The following MYO18B variants were observed in gnomAD, a reference collection of about 807,000 sequenced individuals.
The protein encoded by MYO18B is myosin XVIIIB.
Under a neutral mutation model 273.0 loss-of-function variants are expected in MYO18B, and 204 were observed. That is an observed-to-expected ratio of 0.75 (90% CI 0.67 to 0.84). The LOEUF (loss-of-function observed/expected upper bound fraction) is 0.84, where lower values mean the gene tolerates loss of function less well. Ranked by LOEUF, MYO18B falls within the 40% of genes least tolerant of loss-of-function variation. The probability of loss-of-function intolerance (pLI) is 0.00; values close to 1 mark genes in which losing one functional copy is unlikely to be tolerated. For synonymous variants in MYO18B, 1,330 were observed against 1,305.7 expected (o/e 1.02, Z -0.40); for missense variants, 3,212 against 3,287.6 (o/e 0.98, Z 0.56).
chr22:25,893,252 AAG>A (rs2091709798), intron 27 of MYO18B, among the ~76,000 whole-genome samples: 1 of 152,242 alleles, frequency 6.6e-6, no homozygotes, highest in Non-Finnish European at 1.5e-5. Flanking sequence ...TAAATATTTA[AAG>A]AGAACCTTTT....
intron 15 of MYO18B, among the ~76,000 whole-genome samples, chr22:25,830,761 G>A (rs762414404): frequency 1.3e-5 from 2 of 152,192 alleles, no homozygotes; most frequent in Non-Finnish European, 2.9e-5. Flanking sequence ...ATGGATTCAA[G>A]GGGTAGGAAA....
chr22:25,898,292 C>T lies in MYO18B; in HGVS notation c.4669-15C>T, dbSNP rs758226630. On this transcript the variant is annotated splice_polypyrimidine_tract_variant and intron_variant, in intron 28 of 43. Coordinates refer to ENST00000335473, the MANE Select transcript of MYO18B (RefSeq NM_032608.7). Reference sequence around the variant, plus strand: ...TGCCCACAGAGCCGGGTAATTCATTCTATTACTCTTACAGCTTGGGGAGTT... The same window carrying T: ...TGCCCACAGAGCCGGGTAATTCATTTTATTACTCTTACAGCTTGGGGAGTT... 6 of 1,610,092 alleles carry T rather than the reference C, an allele frequency of 3.7e-6. No homozygotes were observed. In the South Asian group the frequency reaches 4.4e-5, roughly 12 times the overall value.
At position 25,826,453 on chromosome 22, in the gene MYO18B, G is replaced by A. The variant is rs755187289; in HGVS notation, c.2740G>A (p.Gly914Ser). ...GVDCVEGMASGLYQELFAAVV... is the reference protein window; with the variant it reads ...GVDCVEGMASSLYQELFAAVV... ...GGACTGTGTGGAGGGGATGGCCTCG[G>A]GCCTGTACCAGGAACTCTTTGCGGC... is the stretch of plus-strand genomic sequence containing the variant. The change falls in exon 14 of 44, where the codon GGC becomes AGC. Residue 914 changes from glycine (G) to serine (S), a missense_variant. By Grantham distance (56) the Gly-to-Ser change is moderately conservative. Coordinates refer to ENST00000335473, the MANE Select transcript of MYO18B (RefSeq NM_032608.7). 1.2e-6 allele frequency: 2 copies of A among 1,613,812 alleles called. No homozygotes were observed. Among genetic ancestry groups the A allele is most frequent in the South Asian group, 2.2e-5 (2 of 91,074 alleles).
At chr22:25,952,449 C>G in intron 38 of MYO18B, 26 bp downstream of exon 38, 1 of 1,611,744 alleles carries the variant, frequency 6.2e-7, no homozygotes, top group East Asian at 2.2e-5. Flanking sequence ...TAAATAGTGC[C>G]TGGGCCAAGA....
intron 31 of MYO18B, among the ~76,000 whole-genome samples, chr22:25,904,860 A>G (rs542049101): frequency 1.4e-4 from 21 of 152,194 alleles, no homozygotes; most frequent in African/African-American, 4.3e-4. Flanking sequence ...AGCATAACAT[A>G]TGGTCTTACA....
chr22:26,039,481 A>G, the MYO18B span, among the ~76,000 whole-genome samples: 1 of 152,002 alleles, frequency 6.6e-6, no homozygotes, highest in Non-Finnish European at 1.5e-5. Context: ...CACTAGTCTC[A>G]CCTGCCTTTT....
chr22:25,829,050 C>A, intron 15 of MYO18B, 82 bp downstream of exon 15: 1 of 1,429,090 alleles, frequency 7.0e-7, no homozygotes, highest in Non-Finnish European at 9.5e-7. Flanking sequence ...GATTCCCATT[C>A]CCCAGGAGCC....
At chr22:25,758,767 T>C (rs112723336) in intron 1 of MYO18B, among the ~76,000 whole-genome samples, 1 of 151,730 alleles carries the variant, frequency 6.6e-6, no homozygotes, top group South Asian at 2.1e-4. Context: ...AGAATTTTTT[T>C]TTTTTTTGGA....
At chr22:25,884,339 C>T (rs752740216) in intron 25 of MYO18B, among the ~76,000 whole-genome samples, 3 of 152,194 alleles carry the variant, frequency 2.0e-5, no homozygotes, top group African/African-American at 4.8e-5. Context: ...CCTGACTCCT[C>T]GCTCCATAGT....
rs141941381 is a variant in MYO18B at position 25,973,633 on chromosome 22, C to T, written c.6156+18269C>T. Among the ~76,000 whole-genome samples, 329 of 152,352 alleles carry T rather than the reference C, an allele frequency of 2.2e-3. 4 individuals carry two copies. The highest frequency in any genetic ancestry group is 7.1e-3 in the African/African-American group (297 of 41,592). ...GAATAAAATTTAAAATTCAGATCCT[C>T]GGTCACACCAGCCACACATCAGGTG... On this transcript the variant is annotated intron_variant, in intron 39 of 43. Coordinates refer to ENST00000335473, the MANE Select transcript of MYO18B (RefSeq NM_032608.7).
rs1936614305 is a variant in MYO18B, at chr22:26,030,541, G to GCCAC, written c.*114_*117dup. ...CCGGTGGCCAGAGCCAGCCAGCATG[G>GCCAC]CCACCCTCAAGAGGCGAGATGAGCC... On this transcript the variant is annotated 3_prime_UTR_variant, in exon 44 of 44. Coordinates refer to ENST00000335473, the MANE Select transcript of MYO18B (RefSeq NM_032608.7). 5.6e-6 allele frequency: 1 copy of GCCAC among 179,210 alleles called. No individual in the cohort carries two copies. The highest frequency in any genetic ancestry group is 1.2e-5 in the Non-Finnish European group (1 of 85,798). 11.1% of individuals were successfully genotyped at this position (179,210 alleles called of 1,614,324 possible).
At chr22:25,882,853 C>G (rs1172625173) in intron 25 of MYO18B, among the ~76,000 whole-genome samples, 1 of 152,042 alleles carries the variant, frequency 6.6e-6, no homozygotes, top group African/African-American at 2.4e-5. Flanking sequence ...AATAGTGTGC[C>G]TTATATTCAT....
At chr22:25,889,046 GA>G (rs533902885) in intron 25 of MYO18B, among the ~76,000 whole-genome samples, 298 of 142,556 alleles carry the variant, frequency 2.1e-3, no homozygotes, top group African/African-American at 3.4e-3. Context: ...ATCCTTCCAG[GA>G]AAAAAAAAAA....
At chr22:25,813,329 C>A (rs1293720243) in intron 12 of MYO18B, among the ~76,000 whole-genome samples, 2 of 151,996 alleles carry the variant, frequency 1.3e-5, no homozygotes, top group Non-Finnish European at 2.9e-5. Flanking sequence ...GGATTACAGG[C>A]ATGAGCCACC....
At chr22:25,896,678 T>C (rs1252831006) in intron 28 of MYO18B, 2 of 152,068 alleles carry the variant, frequency 1.3e-5, no homozygotes, top group Non-Finnish European at 2.9e-5. Context: ...GCTTGTCTTC[T>C]GTGGCCTCCA....
rs185994773 is a variant in MYO18B at position 25,782,175 on chromosome 22, C to G, written c.2312+341C>G. ...GGTTTCTTCCTTTGTAATGTGGAAA[C>G]AACACCTTGCATAGACCTTATAGGA... is the stretch of plus-strand genomic sequence containing the variant. On this transcript the variant is annotated intron_variant, in intron 10 of 43. Transcript: ENST00000335473. Among the ~76,000 whole-genome samples the G allele has an allele frequency of 3.8e-3, 574 of 152,290 alleles. 7 individuals are homozygous for G. Among genetic ancestry groups the G allele is most frequent in the African/African-American group, 0.013 (553 of 41,548 alleles).
intron 26 of MYO18B, 121 bp from the exon 27 acceptor site, chr22:25,891,183 T>C: frequency 1.3e-6 from 1 of 782,160 alleles, no homozygotes; most frequent in African/African-American, 1.8e-5. Context: ...TCCTGGATTC[T>C]GCATGGCTCA....
intron 12 of MYO18B, among the ~76,000 whole-genome samples, chr22:25,818,401 C>T (rs1009676297): frequency 1.5e-4 from 23 of 152,144 alleles, no homozygotes; most frequent in African/African-American, 4.8e-4. Context: ...CAGCCACAGC[C>T]GGGCAGAAAT....
intron 21 of MYO18B, among the ~76,000 whole-genome samples, chr22:25,862,847 G>C (rs112159565): frequency 9.6e-5 from 11 of 114,406 alleles, no homozygotes; most frequent in East Asian, 2.8e-4. Context: ...CTTTTTTTTT[G>C]GGGGGGGGTG....
Sources: allele counts gnomAD v4.1 joint callset (sites outside exome capture counted in the v4.1 genomes callset), GRCh38; gene constraint gnomAD v4.1.1; transcripts MANE v1.5; gene names NCBI Gene and HGNC (gene_info 2026-07-23, HGNC 2026-07-21).